The following MYBL2 variants were observed in gnomAD, a reference collection of about 807,000 sequenced individuals.
MYBL2 encodes myb-related protein B.
A neutral mutation model predicts 79.9 loss-of-function variants in MYBL2; 28 were observed. The ratio of observed to expected loss-of-function variants is 0.35; its 90% CI spans 0.26 to 0.48. The LOEUF (loss-of-function observed/expected upper bound fraction) is 0.48, where lower values mean the gene tolerates loss of function less well. Among genes scored for constraint, MYBL2 ranks in the 20% least tolerant of loss-of-function variants. The pLI, the probability that MYBL2 is intolerant of heterozygous loss-of-function variation, is 0.99. For synonymous variants in MYBL2, 378 were observed against 361.2 expected (o/e 1.05, Z -0.53); for missense variants, 735 against 893.9 (o/e 0.82, Z 2.27).
intron 5 of MYBL2, among the ~76,000 whole-genome samples, chr20:43,691,543 A>AT (rs3092517): frequency 0.76 from 107,927 of 141,620 alleles, 41,523 homozygotes; most frequent in Non-Finnish European, 0.83. Flanking sequence ...TTATATATAC[A>AT]TTTTTTTTTT....
Position 43,705,672 on chromosome 20 carries a change from A to ATATTTATTTATT in MYBL2, c.1505+348_1505+359dup, listed in dbSNP as rs138328914. ...CCACCATGCTCAGCTAATTAAAAAA[A>ATATTTATTTATT]TATTTATTTATTTATTTATTTATTT... is the stretch of plus-strand genomic sequence containing the variant. On this transcript the variant is annotated intron_variant, in intron 9 of 13. Transcript: ENST00000217026. Among the ~76,000 whole-genome samples the ATATTTATTTATT allele has an allele frequency of 3.5e-3, 513 of 144,722 alleles. 6 individuals carry two copies. Among genetic ancestry groups the ATATTTATTTATT allele is most frequent in the African/African-American group, 7.5e-3 (289 of 38,586 alleles). 94.9% of individuals were successfully genotyped at this position (144,722 alleles called of 152,430 possible).
intron 7 of MYBL2, among the ~76,000 whole-genome samples, chr20:43,700,861 C>T (rs1987662303): frequency 6.6e-6 from 1 of 152,126 alleles, no homozygotes; most frequent in Non-Finnish European, 1.5e-5. Context: ...TCTTGACTGC[C>T]ATGCTATGCT....
chr20:43,686,789 AG>A (rs1987284670), intron 4 of MYBL2, 62 bp from the exon 5 acceptor site: 4 of 1,510,604 alleles, frequency 2.6e-6, no homozygotes, highest in Non-Finnish European at 3.6e-6. Flanking sequence ...GTGGATGTGA[AG>A]GGCTATGGTG....
At chr20:43,691,941 G>C (rs1052383839) in intron 5 of MYBL2, among the ~76,000 whole-genome samples, 5 of 151,812 alleles carry the variant, frequency 3.3e-5, no homozygotes, top group Non-Finnish European at 7.4e-5. Context: ...GAATGATTCA[G>C]TTGCTTATTT....
intron 9 of MYBL2, among the ~76,000 whole-genome samples, chr20:43,705,691 T>A (rs1165560070): frequency 1.4e-5 from 2 of 147,454 alleles, no homozygotes; most frequent in Admixed American, 6.7e-5. Context: ...TATTTATTTA[T>A]TTATTTATTT....
intron 13 of MYBL2, among the ~76,000 whole-genome samples, chr20:43,715,495 C>T (rs567211746): frequency 6.6e-6 from 1 of 152,330 alleles, no homozygotes; most frequent in East Asian, 1.9e-4. Flanking sequence ...ATGCTGCTTC[C>T]TTAGGGGTAA....
At chr20:43,691,098 C>A (rs894230046) in intron 5 of MYBL2, among the ~76,000 whole-genome samples, 6 of 152,056 alleles carry the variant, frequency 3.9e-5, no homozygotes, top group African/African-American at 1.4e-4. Flanking sequence ...GAAACCAAGG[C>A]TTAGGGAGGT....
chr20:43,705,811 C>T (rs778168728), intron 9 of MYBL2, among the ~76,000 whole-genome samples: 1 of 152,020 alleles, frequency 6.6e-6, no homozygotes, highest in Admixed American at 6.5e-5. Flanking sequence ...TGCCATTCTC[C>T]TGCCTCAGCC....
intron 8 of MYBL2, 147 bp from the exon 9 acceptor site, chr20:43,705,072 G>A: frequency 1.0e-6 from 1 of 968,904 alleles, no homozygotes; most frequent in Non-Finnish European, 1.5e-6. Context: ...TTGTTCTCGG[G>A]TGTCTGATGG....
chr20:43,702,913 C>A lies in MYBL2; in HGVS notation c.1365+10C>A. On this transcript the variant is annotated intron_variant, in intron 8 of 13. Transcript: ENST00000217026. ...CTTCTCGCCCTCCCAGGTGCGTGGA[C>A]CCCACTCTGGCTGCTTATTGGGTCG... 1.3e-6 allele frequency: 2 copies of A among 1,576,474 alleles called. No individual in the cohort carries two copies. Among genetic ancestry groups the A allele is most frequent in the Admixed American group, 1.7e-5 (1 of 58,624 alleles).
At chr20:43,682,010 A>C (rs1458002168) in intron 3 of MYBL2, among the ~76,000 whole-genome samples, 155 bp downstream of exon 3, 1 of 152,196 alleles carries the variant, frequency 6.6e-6, no homozygotes, top group African/African-American at 2.4e-5. Flanking sequence ...CCTTTGTAGG[A>C]TCTCTCTTCC....
At chr20:43,692,453 C>T (rs1484920886) in intron 6 of MYBL2, 134 bp downstream of exon 6, 3 of 1,066,632 alleles carry the variant, frequency 2.8e-6, no homozygotes, top group African/African-American at 3.2e-5. Flanking sequence ...CTTCTGGGGC[C>T]TTGTGAGACT....
At chr20:43,677,746 C>T (rs1371852525) in intron 2 of MYBL2, among the ~76,000 whole-genome samples, 7 of 152,080 alleles carry the variant, frequency 4.6e-5, no homozygotes, top group South Asian at 2.1e-4. Context: ...TCTGCCCGGC[C>T]GCCCCTACTG....
intron 4 of MYBL2, among the ~76,000 whole-genome samples, chr20:43,684,272 C>G (rs1987215769): frequency 6.7e-6 from 1 of 149,376 alleles, no homozygotes; most frequent in African/African-American, 2.5e-5. Context: ...GAGTCTTGCT[C>G]TGTCGTCCAG....
chr20:43,690,314 T>C (rs1987377222), intron 5 of MYBL2, among the ~76,000 whole-genome samples: 1 of 152,056 alleles, frequency 6.6e-6, no homozygotes, highest in South Asian at 2.1e-4. Flanking sequence ...CAAGCGATTC[T>C]CCTGCCTCAG....
At chr20:43,711,630 G>A (rs988031129) in intron 11 of MYBL2, 29 bp downstream of exon 11, 9 of 1,588,580 alleles carry the variant, frequency 5.7e-6, no homozygotes, top group Admixed American at 1.8e-5. Context: ...GGAGAGCCTG[G>A]GCAGGGGGAA....
At chr20:43,679,058 C>T (rs1987085011) in intron 2 of MYBL2, among the ~76,000 whole-genome samples, 1 of 151,826 alleles carries the variant, frequency 6.6e-6, no homozygotes, top group Non-Finnish European at 1.5e-5. Context: ...GTATCCAGGT[C>T]AGTTGTCAGG....
At chr20:43,683,707 C>T (rs559737912) in intron 4 of MYBL2, among the ~76,000 whole-genome samples, 43 of 151,964 alleles carry the variant, frequency 2.8e-4, no homozygotes, top group African/African-American at 9.9e-4. Flanking sequence ...GCACGTGCTA[C>T]CACACCTGGC....
chr20:43,693,682 C>T (rs1160356442), intron 6 of MYBL2, among the ~76,000 whole-genome samples: 1 of 152,146 alleles, frequency 6.6e-6, no homozygotes, highest in African/African-American at 2.4e-5. Context: ...CTTATGTTAA[C>T]ATCCACTGTC....
Sources: gnomAD v4.1 joint callset for allele counts (sites outside exome capture counted in the v4.1 genomes callset) on GRCh38, gnomAD v4.1.1 for gene constraint, MANE v1.5 for transcripts, NCBI Gene and HGNC (gene_info 2026-07-23, HGNC 2026-07-21) for gene names.